Variants in ARHGAP32 observed in about 807,000 individuals in gnomAD.
The protein encoded by ARHGAP32 is Rho GTPase activating protein 32.
In ARHGAP32, 51 loss-of-function variants were observed where a neutral mutation model predicts 186.5. That is an observed-to-expected ratio of 0.27 (90% confidence interval 0.22 to 0.35). ARHGAP32 has a LOEUF of 0.35. Ranked by LOEUF, ARHGAP32 falls within the 10% of genes least tolerant of loss-of-function variation. The pLI, the probability that ARHGAP32 is intolerant of heterozygous loss-of-function variation, is 1.00. For synonymous variants in ARHGAP32, 950 were observed against 964.3 expected (o/e 0.99, Z 0.27); for missense variants, 2,186 against 2,623.5 (o/e 0.83, Z 3.64).
intron 1 of ARHGAP32, among the ~76,000 whole-genome samples, chr11:129,224,028 G>A (rs182667439): frequency 8.0e-4 from 122 of 152,260 alleles, no homozygotes; most frequent in Middle Eastern, 3.4e-3. Context: ...GAGCTGATAG[G>A]CTCCATGGTG....
chr11:128,974,813 A>G lies in ARHGAP32; in HGVS notation c.2384T>C (p.Val795Ala). 6.2e-7 allele frequency: 1 copy of G among 1,614,136 alleles called. No individual in the cohort carries two copies. The highest frequency in any genetic ancestry group is 8.5e-7 in the Non-Finnish European group (1 of 1,180,014). ...ALMSPHSAED[V>A]DLSPPDIGVA... ...TCCAATGTCTGGTGGGCTCAAGTCA[A>G]CATCCTCAGCTGAATGAGGAGACAT... Residue 795 changes from valine to alanine, a missense_variant, in exon 21 of 23, where the codon GTT becomes GCT. Val to Ala is a moderately conservative substitution (Grantham distance 64, BLOSUM62 0). Transcript: ENST00000682385.
At chr11:129,023,820 TG>T (rs1938708059) in intron 11 of ARHGAP32, 2 of 899,890 alleles carry the variant, frequency 2.2e-6, no homozygotes, top group African/African-American at 3.6e-5. Context: ...GAATGTTGCT[TG>T]AGTCAAATAT....
chr11:129,094,929 T>G (rs1414997033), intron 5 of ARHGAP32, among the ~76,000 whole-genome samples: 1 of 152,210 alleles, frequency 6.6e-6, no homozygotes, highest in African/African-American at 2.4e-5. Flanking sequence ...AGATGATGCA[T>G]GGACAGTGTC....
intron 1 of ARHGAP32, among the ~76,000 whole-genome samples, chr11:129,276,851 T>C (rs531217887): frequency 1.3e-5 from 2 of 152,252 alleles, no homozygotes; most frequent in African/African-American, 2.4e-5. Context: ...GAAATGTAAA[T>C]AACTTGTCCA....
At chr11:129,159,241 A>T (rs1325267785) in intron 2 of ARHGAP32, among the ~76,000 whole-genome samples, 2 of 151,818 alleles carry the variant, frequency 1.3e-5, no homozygotes, top group Non-Finnish European at 2.9e-5. Flanking sequence ...AAAAACCCTT[A>T]AAAAAAATCA....
intron 1 of ARHGAP32, among the ~76,000 whole-genome samples, chr11:129,232,298 G>C (rs1944869959): frequency 1.3e-5 from 2 of 152,264 alleles, no homozygotes; most frequent in Admixed American, 6.5e-5. Context: ...TTATACAACA[G>C]AGGGCTGTCT....
chr11:128,994,680 C>G (rs892198613), intron 12 of ARHGAP32, among the ~76,000 whole-genome samples: 11 of 152,138 alleles, frequency 7.2e-5, no homozygotes, highest in Non-Finnish European at 1.3e-4. Flanking sequence ...AAATCAAAGA[C>G]AAACTACTAA....
chr11:129,019,305 G>A (rs1164790787), intron 11 of ARHGAP32, among the ~76,000 whole-genome samples: 1 of 152,208 alleles, frequency 6.6e-6, no homozygotes, highest in African/African-American at 2.4e-5. Flanking sequence ...ATACCATAAC[G>A]ATAATTATTG....
At chr11:128,983,664 T>C (rs892871522) in intron 15 of ARHGAP32, among the ~76,000 whole-genome samples, 5 of 149,348 alleles carry the variant, frequency 3.3e-5, no homozygotes, top group African/African-American at 1.2e-4. Context: ...ATAAATAAAA[T>C]AGAATAAAGC....
intron 1 of ARHGAP32, among the ~76,000 whole-genome samples, chr11:129,236,558 T>C (rs1196549351): frequency 6.6e-6 from 1 of 152,204 alleles, no homozygotes; most frequent in African/African-American, 2.4e-5. Context: ...GTGCAAAACC[T>C]TTTTTGTTGC....
chr11:129,145,598 C>T (rs1943152228), intron 2 of ARHGAP32, among the ~76,000 whole-genome samples: 1 of 152,028 alleles, frequency 6.6e-6, no homozygotes, highest in African/African-American at 2.4e-5. Flanking sequence ...AAAGCAACAT[C>T]CAGATCACCT....
chr11:129,094,503 T>C (rs989433098), intron 5 of ARHGAP32, among the ~76,000 whole-genome samples: 1 of 152,226 alleles, frequency 6.6e-6, no homozygotes, highest in Non-Finnish European at 1.5e-5. Context: ...TTCTGGCTTC[T>C]ACTGAAAAAT....
Position 129,268,219 on chromosome 11 carries a change from G to A in ARHGAP32, c.-5+10927C>T, listed in dbSNP as rs546739720. On this transcript the variant is annotated intron_variant, in intron 1 of 6. Coordinates refer to the ARHGAP32 transcript ENST00000525234. The stretch of plus-strand genomic sequence containing the variant: ...AAAATGAATCCATTGAGCCTAGAAA[G>A]AGAAAAGACTGGTGGGAAGATAAAA... Among the ~76,000 whole-genome samples the A allele has an allele frequency of 5.3e-5, 8 of 152,224 alleles. No individual in the cohort carries two copies. The South Asian group carries it at 1.7e-3, about 32-fold the overall frequency.
Position 129,233,802 on chromosome 11 carries a change from A to C in ARHGAP32, c.-5+45344T>G, listed in dbSNP as rs569527389. Among the ~76,000 whole-genome samples the C allele has an allele frequency of 5.9e-5, 9 of 152,224 alleles. No individual in the cohort carries two copies. The East Asian group carries it at 1.7e-3, about 29-fold the overall frequency. On this transcript the variant is annotated intron_variant, in intron 1 of 6. Transcript: ENST00000525234. ...TACTTTTTATATAAGGTTTTAATAT[A>C]CTAAAGTTTTAATATTACATGATAA...
chr11:129,058,150 T>C (rs550389068), intron 10 of ARHGAP32, among the ~76,000 whole-genome samples: 2 of 150,912 alleles, frequency 1.3e-5, no homozygotes, highest in Non-Finnish European at 2.9e-5. Flanking sequence ...GAAGTATCAG[T>C]GGGTCATCTG....
rs938557883 is a variant in ARHGAP32, at chr11:129,134,212, A to C, written c.226-9318T>G. Among the ~76,000 whole-genome samples the C allele has an allele frequency of 2.0e-5, 3 of 150,590 alleles. No homozygotes were observed. The South Asian group carries it at 6.3e-4, about 32-fold the overall frequency. On this transcript the variant is annotated intron_variant, in intron 2 of 22. Coordinates refer to ENST00000682385, the MANE Select transcript of ARHGAP32 (RefSeq NM_001378024.1). ...GAAAAAATTCCAAACCCTGTTCATT[A>C]AAAAAAAAGAGAGCGAGAACATCCT...
At chr11:129,012,111 T>C (rs1353910450) in intron 11 of ARHGAP32, among the ~76,000 whole-genome samples, 1 of 152,118 alleles carries the variant, frequency 6.6e-6, no homozygotes, top group African/African-American at 2.4e-5. Flanking sequence ...CAAAACTAAA[T>C]TTAAAATATT....
At chr11:129,008,353 C>T (rs1300689584) in intron 11 of ARHGAP32, among the ~76,000 whole-genome samples, 1 of 152,140 alleles carries the variant, frequency 6.6e-6, no homozygotes, top group Non-Finnish European at 1.5e-5. Flanking sequence ...CCTTAACATT[C>T]CTGAACAGAT....
At chr11:129,121,156 T>C (rs532273162) in intron 5 of ARHGAP32, among the ~76,000 whole-genome samples, 4 of 152,100 alleles carry the variant, frequency 2.6e-5, no homozygotes, top group Non-Finnish European at 4.4e-5. Flanking sequence ...GAACATAGGA[T>C]TGTTTAGAGG....
Sources: allele counts gnomAD v4.1 joint callset (sites outside exome capture counted in the v4.1 genomes callset), GRCh38; gene constraint gnomAD v4.1.1; transcripts MANE v1.5; gene names NCBI Gene and HGNC (gene_info 2026-07-23, HGNC 2026-07-21).